NDUFS1: variants seen among roughly 807,000 people sequenced by gnomAD.
NDUFS1 encodes the protein NADH-ubiquinone oxidoreductase 75 kDa subunit, mitochondrial.
Under a neutral mutation model 84.4 loss-of-function variants are expected in NDUFS1, and 61 were observed. The ratio of observed to expected loss-of-function variants is 0.72; its 90% CI spans 0.59 to 0.89. The LOEUF is 0.89. Among genes scored for constraint, NDUFS1 ranks in the 40% least tolerant of loss-of-function variants. NDUFS1 has a pLI of 0.00. For missense variants in NDUFS1, 891 were observed against 890.0 expected (o/e 1.00, Z -0.01); for synonymous variants, 275 against 290.0 (o/e 0.95, Z 0.53).
intron 11 of NDUFS1, 97 bp downstream of exon 11, chr2:206,142,589 G>A: frequency 1.4e-6 from 2 of 1,446,134 alleles, no homozygotes; most frequent in Non-Finnish European, 1.9e-6. Flanking sequence ...AAAATAAACT[G>A]GGGGATATGT....
chr2:206,134,488 T>C (rs1691634908), intron 13 of NDUFS1, among the ~76,000 whole-genome samples: 1 of 151,772 alleles, frequency 6.6e-6, no homozygotes, highest in Non-Finnish European at 1.5e-5. Flanking sequence ...TGGCCAGGCA[T>C]GGTGGTGTGC....
At chr2:206,149,480 A>G (rs1218834174) in intron 4 of NDUFS1, among the ~76,000 whole-genome samples, 2 of 152,172 alleles carry the variant, frequency 1.3e-5, no homozygotes, top group African/African-American at 4.8e-5. Context: ...CCTTTTCTCT[A>G]CTAAAAATGG....
chr2:206,150,055 T>A (rs866242429), intron 3 of NDUFS1, 130 bp from the exon 4 acceptor site: 2 of 330,064 alleles, frequency 6.1e-6, no homozygotes, highest in Non-Finnish European at 1.0e-5. Context: ...CTATCTATCT[T>A]AATTCATTCT....
Position 206,156,644 on chromosome 2 carries a change from T to A in NDUFS1, c.-5+2697A>T, listed in dbSNP as rs533456758. 1.3e-3 allele frequency among the ~76,000 whole-genome samples: 201 copies of A among 152,302 alleles called. 1 individual carries two copies. The highest frequency in any genetic ancestry group is 4.7e-3 in the African/African-American group (197 of 41,566). Reference sequence around the variant, plus strand: ...AAAAATTTCAACATTAAAGTTTCAATAGTTGCAATAGTATTATTGAATAAT... The same window carrying A: ...AAAAATTTCAACATTAAAGTTTCAAAAGTTGCAATAGTATTATTGAATAAT... On this transcript the variant is annotated intron_variant, in intron 1 of 18. Coordinates refer to ENST00000233190, the MANE Select transcript of NDUFS1 (RefSeq NM_005006.7).
In NDUFS1 at chr2:206,115,911, GAA is replaced by G; in HGVS notation, c.*8272_*8273del. The G allele has an allele frequency of 4.9e-6, 3 of 606,730 alleles. No homozygotes were observed. In the South Asian group the frequency reaches 5.6e-5, roughly 11 times the overall value. The allele number at this position is 606,730 out of a possible 1,614,324, so 37.6% of individuals were successfully genotyped here. On this transcript the variant is annotated 3_prime_UTR_variant, in exon 19 of 19. Coordinates refer to ENST00000233190, the MANE Select transcript of NDUFS1 (RefSeq NM_005006.7). ...TAGTCTAAAAATCATAGGATGTTGT[GAA>G]AAAGACACATATTATGTTTATCTAC... is the stretch of plus-strand genomic sequence containing the variant.
intron 3 of NDUFS1, 33 bp from the exon 4 acceptor site, chr2:206,149,958 AGCAT>A: frequency 8.1e-7 from 1 of 1,235,896 alleles, no homozygotes; most frequent in Non-Finnish European, 1.2e-6. Context: ...AAAAAAAAAA[AGCAT>A]TAGAATAACC....
chr2:206,141,022 G>GTA (rs532025273), intron 12 of NDUFS1, among the ~76,000 whole-genome samples: 1 of 150,768 alleles, frequency 6.6e-6, no homozygotes, highest in Admixed American at 6.6e-5. Flanking sequence ...ATACAAAATG[G>GTA]TATACAAAGA....
chr2:206,150,804 ACTCCAAAATAAC>A (rs1692344488), intron 3 of NDUFS1, among the ~76,000 whole-genome samples: 2 of 151,942 alleles, frequency 1.3e-5, no homozygotes, highest in African/African-American at 4.8e-5. Context: ...CCCTCTATAC[ACTCCAAAATAAC>A]CTAACAAATG....
chr2:206,152,568 T>C, intron 2 of NDUFS1, 58 bp from the exon 3 acceptor site: 1 of 1,438,264 alleles, frequency 7.0e-7, no homozygotes, highest in South Asian at 1.1e-5. Flanking sequence ...TAGCAGATGA[T>C]AATGGATGAA....
intron 18 of NDUFS1, among the ~76,000 whole-genome samples, chr2:206,125,094 C>A (rs1035035577): frequency 5.0e-5 from 6 of 119,256 alleles, no homozygotes; most frequent in Non-Finnish European, 1.1e-4. Flanking sequence ...CATCTGCCCC[C>A]CTCAGCCTCC....
Position 206,127,834 on chromosome 2 carries a change from G to A in NDUFS1, c.1847C>T (p.Ala616Val). ...TKVAVTPPGL[A>V]REDWKIIRAL... is the part of the protein sequence containing the mutation. ...TCTTATAATTTTCCAGTCTTCTCTT[G>A]CCAAGCCAGGAGGTGTCACTGCTAC... Residue 616 changes from alanine to valine, a missense_variant, in exon 16 of 19, where the codon GCA becomes GTA. Physicochemically the swap from Ala to Val is moderately conservative, Grantham distance 64. Coordinates refer to ENST00000233190, the MANE Select transcript of NDUFS1 (RefSeq NM_005006.7). 6.2e-7 allele frequency: 1 copy of A among 1,614,000 alleles called. No homozygotes were observed. The highest frequency in any genetic ancestry group is 8.5e-7 in the Non-Finnish European group (1 of 1,179,986).
intron 13 of NDUFS1, among the ~76,000 whole-genome samples, chr2:206,136,438 G>GTTT (rs59751619): frequency 7.1e-5 from 9 of 125,958 alleles, no homozygotes; most frequent in East Asian, 2.5e-4. Context: ...TTTTTTTTTT[G>GTTT]TTTTTTTTTT....
chr2:206,116,446 C>CTT lies in NDUFS1; in HGVS notation c.*7738_*7739insAA. On this transcript the variant is annotated 3_prime_UTR_variant, in exon 19 of 19. Coordinates refer to ENST00000233190, the MANE Select transcript of NDUFS1 (RefSeq NM_005006.7). ...AGGCAGGGCGCGGCAGGTGCCAGGA[C>CTT]CACGTGCAGGCTGCAGAGCACGGCC... The CTT allele has an allele frequency of 1.1e-6, 1 of 946,122 alleles. No homozygotes were observed. The highest frequency in any genetic ancestry group is 1.7e-6 in the Non-Finnish European group (1 of 605,364). The allele number at this position is 946,122 out of a possible 1,614,324, so 58.6% of individuals were successfully genotyped here.
chr2:206,141,341 G>C (rs1691939139), intron 12 of NDUFS1, among the ~76,000 whole-genome samples: 1 of 151,108 alleles, frequency 6.6e-6, no homozygotes, highest in African/African-American at 2.4e-5. Context: ...TCAGGAGATC[G>C]AGACCACGGT....
rs548716945 is a variant in NDUFS1, at chr2:206,149,702, T to C, written c.261+116A>G. On this transcript the variant is annotated intron_variant, in intron 4 of 18. Coordinates refer to ENST00000233190, the MANE Select transcript of NDUFS1 (RefSeq NM_005006.7). ...TGTACAAAAGAATTAAATTTATAGATAGAAGTAAAGAGGGCTAGGTTCTCC... is the reference window on the plus strand; with the variant it reads ...TGTACAAAAGAATTAAATTTATAGACAGAAGTAAAGAGGGCTAGGTTCTCC... 6.0e-5 allele frequency: 45 copies of C among 750,472 alleles called. No individual in the cohort carries two copies. In the Middle Eastern group the frequency reaches 2.7e-3, roughly 44 times the overall value. The allele number at this position is 750,472 out of a possible 1,614,324, so 46.5% of individuals were successfully genotyped here.
intron 3 of NDUFS1, among the ~76,000 whole-genome samples, chr2:206,150,675 T>G (rs1223153290): frequency 6.6e-6 from 1 of 152,230 alleles, no homozygotes; most frequent in African/African-American, 2.4e-5. Flanking sequence ...TTCCTTATGC[T>G]GATTATGTCC....
rs938414248 is a variant in NDUFS1 at position 206,115,743 on chromosome 2, A to G, written c.*8442T>C. The G allele has an allele frequency of 1.2e-5, 5 of 404,410 alleles. No individual in the cohort carries two copies. The highest frequency in any genetic ancestry group is 1.9e-5 in the Non-Finnish European group (4 of 211,046). 25.1% of individuals were successfully genotyped at this position (404,410 alleles called of 1,614,324 possible). A position where few individuals can be genotyped will look rare whatever the true frequency, so the allele number is the denominator to read the frequency against. Reference sequence around the variant, plus strand: ...CAATGGAAAGATCATTAAGTATTTCATCCCAAGTCCAGGTATGGACATACA... The same window carrying G: ...CAATGGAAAGATCATTAAGTATTTCGTCCCAAGTCCAGGTATGGACATACA... On this transcript the variant is annotated 3_prime_UTR_variant, in exon 19 of 19. Transcript: ENST00000233190.
At chr2:206,128,306 C>T (rs1691372762) in intron 15 of NDUFS1, among the ~76,000 whole-genome samples, 1 of 151,990 alleles carries the variant, frequency 6.6e-6, no homozygotes, top group South Asian at 2.1e-4. Context: ...GCTGGGACTA[C>T]AGGTGCCTGC....
chr2:206,150,751 T>A (rs183443605), intron 3 of NDUFS1, among the ~76,000 whole-genome samples: 2 of 152,332 alleles, frequency 1.3e-5, no homozygotes, highest in African/African-American at 2.4e-5. Context: ...GGTATTTGCA[T>A]GTGTATGTTC....
Sources: gnomAD v4.1 joint callset for allele counts (sites outside exome capture counted in the v4.1 genomes callset) on GRCh38, gnomAD v4.1.1 for gene constraint, MANE v1.5 for transcripts, NCBI Gene and HGNC (gene_info 2026-07-23, HGNC 2026-07-21) for gene names.